Variants in SSX2IP observed in about 807,000 individuals in gnomAD.
The protein encoded by SSX2IP is SSX family member 2 interacting protein, also known as afadin- and alpha-actinin-binding protein.
A neutral mutation model predicts 84.9 loss-of-function variants in SSX2IP; 55 were observed. That is an observed-to-expected ratio of 0.65 (90% CI 0.52 to 0.81). The LOEUF (loss-of-function observed/expected upper bound fraction) is 0.81, where lower values mean the gene tolerates loss of function less well. SSX2IP is among the 30% of genes least tolerant of loss of function. The probability of loss-of-function intolerance (pLI) is 0.00; values close to 1 mark genes in which losing one functional copy is unlikely to be tolerated. For missense variants in SSX2IP, 664 were observed against 705.2 expected, an observed-to-expected ratio of 0.94 and a Z score of 0.66; for synonymous variants, 239 against 234.7, an observed-to-expected ratio of 1.02 and a Z score of -0.17.
chr1:84,681,197 A>G (rs575806852), intron 1 of SSX2IP, among the ~76,000 whole-genome samples: 1 of 152,208 alleles, frequency 6.6e-6, no homozygotes, highest in Non-Finnish European at 1.5e-5. Context: ...CCACTAAACA[A>G]TCATACTTCT....
intron 1 of SSX2IP, among the ~76,000 whole-genome samples, chr1:84,673,932 G>A (rs1303351474): frequency 1.3e-5 from 2 of 152,074 alleles, no homozygotes; most frequent in Non-Finnish European, 2.9e-5. Flanking sequence ...GGTAAGGAAG[G>A]GCACCTTGAA....
At chr1:84,668,024 G>C (rs960265449) in intron 4 of SSX2IP, among the ~76,000 whole-genome samples, 10 of 152,278 alleles carry the variant, frequency 6.6e-5, no homozygotes, top group African/African-American at 2.4e-4. Flanking sequence ...TCATATGCTA[G>C]ATCTAGAAAC....
At chr1:84,671,094 C>A in intron 2 of SSX2IP, 83 bp downstream of exon 2, 1 of 1,484,144 alleles carries the variant, frequency 6.7e-7, no homozygotes, top group African/African-American at 1.4e-5. Flanking sequence ...TCTTCAACAT[C>A]TGCAGTAATT....
chr1:84,656,058 C>G (rs376325602), intron 10 of SSX2IP, 53 bp from the exon 11 acceptor site: 38 of 1,493,848 alleles, frequency 2.5e-5, no homozygotes, highest in Admixed American at 9.9e-5. Context: ...GACACTCCAA[C>G]GAGTTGAAAT....
intron 2 of SSX2IP, 80 bp from the exon 3 acceptor site, chr1:84,670,895 T>C (rs185813639): frequency 3.1e-4 from 342 of 1,086,610 alleles, no homozygotes; most frequent in Middle Eastern, 1.6e-3. Flanking sequence ...ACTAAAGACT[T>C]TGAATTACAT....
At chr1:84,689,002 G>A (rs921582972) in intron 1 of SSX2IP, among the ~76,000 whole-genome samples, 4 of 152,186 alleles carry the variant, frequency 2.6e-5, no homozygotes, top group African/African-American at 9.7e-5. Flanking sequence ...TTCATTAACA[G>A]CAGGCAGAAC....
Position 84,655,996 on chromosome 1 carries a change from C to A in SSX2IP, c.1225G>T (p.Ala409Ser). Residue 409 changes from alanine (A) to serine (S), a missense_variant, in exon 11 of 14, where the codon GCT (alanine) becomes TCT (serine). Physicochemically the swap from Ala to Ser is moderately conservative, Grantham distance 99. Coordinates refer to ENST00000342203, the MANE Select transcript of SSX2IP (RefSeq NM_001166293.2). Reference protein sequence around the residue: ...TQQQLLQQQLATAYDDDTTSL... With the variant: ...TQQQLLQQQLSTAYDDDTTSL... The stretch of plus-strand genomic sequence containing the variant: ...GTGGTATCATCATCATATGCAGTAG[C>A]GAGCTGCTGCTATTAAAATTTAAAA... 1.9e-6 allele frequency: 3 copies of A among 1,609,234 alleles called. No individual in the cohort carries two copies. Among genetic ancestry groups the A allele is most frequent in the Admixed American group, 3.4e-5 (2 of 59,080 alleles).
At chr1:84,648,647 A>G (rs1570545823) in intron 13 of SSX2IP, among the ~76,000 whole-genome samples, 1 of 152,242 alleles carries the variant, frequency 6.6e-6, no homozygotes, top group East Asian at 1.9e-4. Context: ...ATGTTATGCT[A>G]TCTCTTAGAT....
chr1:84,680,911 A>G (rs1654996506), intron 1 of SSX2IP, among the ~76,000 whole-genome samples: 1 of 152,212 alleles, frequency 6.6e-6, no homozygotes, highest in Non-Finnish European at 1.5e-5. Flanking sequence ...TTAAAAGGCA[A>G]TTATGGTGAT....
chr1:84,659,554 C>G (rs1179615019), intron 8 of SSX2IP, among the ~76,000 whole-genome samples: 2 of 152,098 alleles, frequency 1.3e-5, no homozygotes, highest in African/African-American at 4.8e-5. Flanking sequence ...AATCCCAGCA[C>G]TTTGGGAGGC....
Position 84,650,384 on chromosome 1 carries a change from G to GT in SSX2IP, c.1647dup (p.Arg550ThrfsTer6). The GT allele has an allele frequency of 1.2e-6, 2 of 1,614,192 alleles. No homozygotes were observed. The highest frequency in any genetic ancestry group is 1.7e-6 in the Non-Finnish European group (2 of 1,180,030). ...TACCTATGTTCAGATATGCAGGAAC[G>GT]TGTCTGGCAAAAGTCTGAAGTGGAA... On this transcript the variant is annotated frameshift_variant, in exon 13 of 14. Coordinates refer to ENST00000342203, the MANE Select transcript of SSX2IP (RefSeq NM_001166293.2). LOFTEE classifies it high-confidence loss of function.
chr1:84,686,974 G>T (rs1450436990), intron 1 of SSX2IP, among the ~76,000 whole-genome samples: 1 of 151,850 alleles, frequency 6.6e-6, no homozygotes, highest in Non-Finnish European at 1.5e-5. Flanking sequence ...CTCATGGATA[G>T]ATCTAGCATG....
Position 84,655,968 on chromosome 1 carries a change from GA to G in SSX2IP, c.1252del (p.Ser418HisfsTer58). The G allele has an allele frequency of 6.2e-7, 1 of 1,613,484 alleles. No individual in the cohort carries two copies. The highest frequency in any genetic ancestry group is 8.5e-7 in the Non-Finnish European group (1 of 1,179,898). ...CAACAAATAACAGTCTCGTAATAGT[GA>G]AGTGGTATCATCATCATATGCAGTA... ...LATAYDDDTT[S>X]LLRDCYLLEE... On this transcript the variant is annotated frameshift_variant, in exon 11 of 14. Coordinates refer to ENST00000342203, the MANE Select transcript of SSX2IP (RefSeq NM_001166293.2). LOFTEE classifies it high-confidence loss of function.
chr1:84,661,355 A>AT lies in SSX2IP; in HGVS notation c.927+842dup, dbSNP rs543785558. Reference sequence around the variant, plus strand: ...AAAATGAACTTTTCACCATTATGTGATTTTTTTTTCAGATCTCTGCATATA... The same window carrying AT: ...AAAATGAACTTTTCACCATTATGTGATTTTTTTTTTCAGATCTCTGCATATA... On this transcript the variant is annotated intron_variant, in intron 8 of 13. Coordinates refer to ENST00000342203, the MANE Select transcript of SSX2IP (RefSeq NM_001166293.2). 5.0e-4 allele frequency among the ~76,000 whole-genome samples: 76 copies of AT among 150,952 alleles called. No homozygotes were observed. In the East Asian group the frequency reaches 7.8e-3, roughly 15 times the overall value.
chr1:84,645,349 A>G lies in SSX2IP; in HGVS notation c.*2084T>C, dbSNP rs1649340409. On this transcript the variant is annotated 3_prime_UTR_variant, in exon 14 of 14. Transcript: ENST00000342203. ...AACAAAAGTGATGTTGTTAGGTAAA[A>G]TGTACAACTTCTGGATCTATGCAGA... The G allele has an allele frequency of 6.6e-6, 1 of 152,222 alleles. No individual in the cohort carries two copies. Among genetic ancestry groups the G allele is most frequent in the Non-Finnish European group, 1.5e-5 (1 of 68,044 alleles). The allele number at this position is 152,222 out of a possible 1,614,324, so 9.4% of individuals were successfully genotyped here. A position where few individuals can be genotyped will look rare whatever the true frequency, so the allele number is the denominator to read the frequency against.
chr1:84,662,230 G>C lies in SSX2IP; in HGVS notation c.895C>G (p.Pro299Ala), dbSNP rs199583310. Residue 299 changes from proline to alanine, a missense_variant, in exon 8 of 14, where the codon CCT (proline) becomes GCT (alanine). Coordinates refer to ENST00000342203, the MANE Select transcript of SSX2IP (RefSeq NM_001166293.2). The part of the protein sequence containing the change: ...ISLLSPQKKK[P>A]RERVDDSTGT... ...GTACTATCATCTACTCTTTCTCTAGGTTTCTTCTTTTGGGGAGAAAGAAGA... is the reference window on the plus strand; with the variant it reads ...GTACTATCATCTACTCTTTCTCTAGCTTTCTTCTTTTGGGGAGAAAGAAGA... 64 of 1,603,694 alleles carry C rather than the reference G, an allele frequency of 4.0e-5. No individual in the cohort carries two copies. The highest frequency in any genetic ancestry group is 5.4e-5 in the Non-Finnish European group (64 of 1,176,488).
intron 1 of SSX2IP, among the ~76,000 whole-genome samples, chr1:84,684,431 G>C (rs1409913134): frequency 6.6e-6 from 1 of 152,204 alleles, no homozygotes; most frequent in East Asian, 1.9e-4. Flanking sequence ...TTCCAAGAAT[G>C]ATGTAAAAGT....
intron 1 of SSX2IP, among the ~76,000 whole-genome samples, chr1:84,686,541 T>C (rs1314378631): frequency 6.6e-6 from 1 of 152,070 alleles, no homozygotes; most frequent in Non-Finnish European, 1.5e-5. Flanking sequence ...TATGAGACAT[T>C]CACATGGGGA....
chr1:84,661,410 A>C (rs531627070), intron 8 of SSX2IP, among the ~76,000 whole-genome samples: 1 of 149,976 alleles, frequency 6.7e-6, no homozygotes, highest in East Asian at 1.9e-4. Context: ...TGCTTTCTCC[A>C]TGTTTTTTTT....
Sources: allele counts gnomAD v4.1 joint callset (sites outside exome capture counted in the v4.1 genomes callset), GRCh38; gene constraint gnomAD v4.1.1; transcripts MANE v1.5; gene names NCBI Gene and HGNC (gene_info 2026-07-23, HGNC 2026-07-21).